PHACTR2: variants seen among roughly 807,000 people sequenced by gnomAD.
The protein encoded by PHACTR2 is phosphatase and actin regulator 2, also known as chromosome 6 open reading frame 56.
In PHACTR2, 30 loss-of-function variants were observed where a neutral mutation model predicts 76.0. That is an observed-to-expected ratio of 0.39 (90% CI 0.30 to 0.54). PHACTR2 has a LOEUF of 0.54. Among genes scored for constraint, PHACTR2 ranks in the 20% least tolerant of loss-of-function variants. PHACTR2 has a pLI of 0.61. For synonymous variants in PHACTR2, 292 were observed against 292.5 expected (o/e 1.00, Z 0.02); for missense variants, 696 against 781.1 (o/e 0.89, Z 1.30).
rs561101301 is a variant in PHACTR2 at position 143,722,634 on chromosome 6, A to G, written c.214+10451A>G. 6.6e-6 allele frequency among the ~76,000 whole-genome samples: 1 copy of G among 151,850 alleles called. No homozygotes were observed. Among genetic ancestry groups the G allele is most frequent in the South Asian group, 2.1e-4 (1 of 4,810 alleles). On this transcript the variant is annotated intron_variant, in intron 2 of 12. Coordinates refer to ENST00000440869, the MANE Select transcript of PHACTR2 (RefSeq NM_001100164.2). This position sits in a 1 kb window ranked among gnomAD's most constrained non-coding sequence, Gnocchi z 4.1. ...TTTTTGTTAGAAATAGTCCAGTTCC[A>G]CTCTTTTAGTTATTTTGAGATATAC...
At chr6:143,590,093 C>CTT (rs994578036) in intron 1 of PHACTR2, among the ~76,000 whole-genome samples, 1 of 152,070 alleles carries the variant, frequency 6.6e-6, no homozygotes, top group Admixed American at 6.5e-5. Flanking sequence ...TTTACTGGTT[C>CTT]TTAGTGATAA....
At position 143,558,267 on chromosome 6, in the gene PHACTR2, C is replaced by CA. The variant is rs1775208777; in HGVS notation, c.217+21060_217+21061insA. On this transcript the variant is annotated intron_variant, in intron 1 of 11. Transcript: ENST00000367584. This position sits in a 1 kb window ranked among gnomAD's most constrained non-coding sequence, Gnocchi z 4.7. ...TGATATTAAGGAATTAATGTTCCTT[C>CA]TTAGGTGTGAAATAATATTGTGGTT... 2.6e-5 allele frequency: 4 copies of CA among 152,078 alleles called. No individual in the cohort carries two copies. The highest frequency in any genetic ancestry group is 5.9e-5 in the Non-Finnish European group (4 of 68,016). The allele number at this position is 152,078 out of a possible 1,614,324, so 9.4% of individuals were successfully genotyped here.
At position 143,791,095 on chromosome 6, in the gene PHACTR2, A is replaced by G. The variant is rs1327773280; in HGVS notation, c.1845+2185A>G. On this transcript the variant is annotated intron_variant, in intron 11 of 12. Coordinates refer to ENST00000440869, the MANE Select transcript of PHACTR2 (RefSeq NM_001100164.2). The surrounding 1 kb of genome is among the most constrained non-coding windows in gnomAD (Gnocchi z 4.7). ...CAAAATGATAGATATATTCTCATAT[A>G]CTGTCTTCTAAATTGTTTATAATTT... 1.3e-5 allele frequency among the ~76,000 whole-genome samples: 2 copies of G among 152,178 alleles called. No homozygotes were observed. Among genetic ancestry groups the G allele is most frequent in the East Asian group, 3.8e-4 (2 of 5,200 alleles).
chr6:143,647,886 C>T lies in PHACTR2; in HGVS notation c.13+39564C>T, dbSNP rs149911950. On this transcript the variant is annotated intron_variant, in intron 1 of 11. Coordinates refer to the PHACTR2 transcript ENST00000305766. This position sits in a 1 kb window ranked among gnomAD's most constrained non-coding sequence, Gnocchi z 4.2. ...GCTAGCCACAGCCAACTCAGGGAGG[C>T]GTTGTAGGCCCTGGTAAGGATTTAG... Among the ~76,000 whole-genome samples, 1,364 of 152,202 alleles carry T rather than the reference C, an allele frequency of 9.0e-3. 20 individuals carry two copies. The highest frequency in any genetic ancestry group is 0.03 in the African/African-American group (1,262 of 41,518).
chr6:143,657,352 A>G (rs1296575455), intron 1 of PHACTR2, among the ~76,000 whole-genome samples: 1 of 151,928 alleles, frequency 6.6e-6, no homozygotes, highest in Non-Finnish European at 1.5e-5. Context: ...AATATTTCCA[A>G]CCCCTGAAAA....
At chr6:143,657,937 A>T (rs954951079) in intron 1 of PHACTR2, among the ~76,000 whole-genome samples, 1 of 152,158 alleles carries the variant, frequency 6.6e-6, no homozygotes, top group Admixed American at 6.6e-5. Flanking sequence ...CAGGGGAAAT[A>T]ATCCCTTTAT....
rs1776602698 is a variant in PHACTR2 at position 143,828,974 on chromosome 6, A to T, written c.*5285A>T. 1 of 152,136 alleles carries T rather than the reference A, an allele frequency of 6.6e-6. No homozygotes were observed. Among genetic ancestry groups the T allele is most frequent in the Admixed American group, 6.6e-5 (1 of 15,264 alleles). The allele number at this position is 152,136 out of a possible 1,614,324, so 9.4% of individuals were successfully genotyped here. A position where few individuals can be genotyped will look rare whatever the true frequency, so the allele number is the denominator to read the frequency against. On this transcript the variant is annotated 3_prime_UTR_variant, in exon 13 of 13. Transcript: ENST00000440869. This position sits in a 1 kb window ranked among gnomAD's most constrained non-coding sequence, Gnocchi z 4.7. ...ACAGGGAGAAAAAGTGCCTATCCTC[A>T]AACATTGTCTCTGCTGCCTTGCATT...
rs1775124695 is a variant in PHACTR2 at position 143,553,661 on chromosome 6, G to A, written c.217+16454G>A. ...TAGAAACTGTATTCATGTTTTATTCGAGTCTCTATAGGCTGAGGTTGAGGC... is the reference window on the plus strand; with the variant it reads ...TAGAAACTGTATTCATGTTTTATTCAAGTCTCTATAGGCTGAGGTTGAGGC... On this transcript the variant is annotated intron_variant, in intron 1 of 11. Coordinates refer to the PHACTR2 transcript ENST00000367584. The surrounding 1 kb of genome is among the most constrained non-coding windows in gnomAD (Gnocchi z 4.2). 6.6e-6 allele frequency among the ~76,000 whole-genome samples: 1 copy of A among 152,170 alleles called. No homozygotes were observed. Among genetic ancestry groups the A allele is most frequent in the Non-Finnish European group, 1.5e-5 (1 of 68,038 alleles).
In PHACTR2 at chr6:143,624,172, T is replaced by A. The variant is rs1426821506; in HGVS notation, c.13+15850T>A. On this transcript the variant is annotated intron_variant, in intron 1 of 11. Coordinates refer to the PHACTR2 transcript ENST00000305766. The surrounding 1 kb of genome is among the most constrained non-coding windows in gnomAD (Gnocchi z 4.6). ...CCCAGGCTGGAGTGCAGTGGCCCAA[T>A]CTCGGCTCATTACAACCTCTGCCCC... Among the ~76,000 whole-genome samples, 1 of 152,154 alleles carries A rather than the reference T, an allele frequency of 6.6e-6. No homozygotes were observed. Among genetic ancestry groups the A allele is most frequent in the Non-Finnish European group, 1.5e-5 (1 of 68,028 alleles).
intron 1 of PHACTR2, among the ~76,000 whole-genome samples, chr6:143,645,974 C>T (rs961224212): frequency 2.0e-5 from 3 of 151,900 alleles, no homozygotes; most frequent in African/African-American, 4.8e-5. Context: ...GGATTGATTA[C>T]CTCAAAATAT....
rs1778129617 is a variant in PHACTR2, at chr6:143,709,716, C to T, written c.47-2300C>T. 6.6e-6 allele frequency among the ~76,000 whole-genome samples: 1 copy of T among 152,094 alleles called. No homozygotes were observed. Among genetic ancestry groups the T allele is most frequent in the Non-Finnish European group, 1.5e-5 (1 of 68,018 alleles). Reference sequence around the variant, plus strand: ...TTGGGCACAGGTAGAATTTCCAGATCCCCATGTGGTCTCCCTTGATACCAC... The same window carrying T: ...TTGGGCACAGGTAGAATTTCCAGATTCCCATGTGGTCTCCCTTGATACCAC... On this transcript the variant is annotated intron_variant, in intron 1 of 12. Transcript: ENST00000440869. This position sits in a 1 kb window ranked among gnomAD's most constrained non-coding sequence, Gnocchi z 4.4.
intron 12 of PHACTR2, among the ~76,000 whole-genome samples, chr6:143,813,900 G>A (rs936136655): frequency 1.3e-5 from 2 of 152,094 alleles, no homozygotes; most frequent in African/African-American, 2.4e-5. Flanking sequence ...AAAAATACAC[G>A]TATAACTTTT....
chr6:143,793,911 A>AAAAT lies in PHACTR2; in HGVS notation c.1845+5020_1845+5023dup, dbSNP rs535214880. Among the ~76,000 whole-genome samples the AAAAT allele has an allele frequency of 9.2e-5, 14 of 152,138 alleles. No individual in the cohort carries two copies. Among genetic ancestry groups the AAAAT allele is most frequent in the South Asian group, 2.1e-4 (1 of 4,818 alleles). ...GGGCAACAGAGCTAGACCTTATCTC[A>AAAAT]AAATAAATAAATAAATAAATAATAT... On this transcript the variant is annotated intron_variant, in intron 11 of 12. Coordinates refer to ENST00000440869, the MANE Select transcript of PHACTR2 (RefSeq NM_001100164.2). The surrounding 1 kb of genome is among the most constrained non-coding windows in gnomAD (Gnocchi z 4.4).
Position 143,562,774 on chromosome 6 carries a change from A to C in PHACTR2, c.217+25567A>C, listed in dbSNP as rs1775300023. Among the ~76,000 whole-genome samples, 1 of 152,254 alleles carries C rather than the reference A, an allele frequency of 6.6e-6. No individual in the cohort carries two copies. On this transcript the variant is annotated intron_variant, in intron 1 of 11. Transcript: ENST00000367584. The surrounding 1 kb of genome is among the most constrained non-coding windows in gnomAD (Gnocchi z 5.1). Reference sequence around the variant, plus strand: ...TAAAAGGTAATGAGTAGTTGAATTAACAAAATATGGTATTTATGTACATGA... The same window carrying C: ...TAAAAGGTAATGAGTAGTTGAATTACCAAAATATGGTATTTATGTACATGA...
chr6:143,601,018 A>AT (rs1775809744), intron 1 of PHACTR2, among the ~76,000 whole-genome samples: 1 of 152,240 alleles, frequency 6.6e-6, no homozygotes, highest in South Asian at 2.1e-4. Context: ...CTTGAGGCAC[A>AT]TTTCTTAACC....
intron 1 of PHACTR2, among the ~76,000 whole-genome samples, chr6:143,584,026 C>A (rs1327721795): frequency 6.6e-6 from 1 of 152,224 alleles, no homozygotes; most frequent in Non-Finnish European, 1.5e-5. Flanking sequence ...TACCCACTGG[C>A]AGGCTATCTT....
chr6:143,631,953 G>A (rs963819824), intron 1 of PHACTR2, among the ~76,000 whole-genome samples: 1 of 152,160 alleles, frequency 6.6e-6, no homozygotes, highest in Non-Finnish European at 1.5e-5. Flanking sequence ...CATTTATGCT[G>A]GAAAATTGAA....
At position 143,818,610 on chromosome 6, in the gene PHACTR2, C is replaced by G. The variant is rs1297865945; in HGVS notation, c.1923-5064C>G. On this transcript the variant is annotated intron_variant, in intron 12 of 12. Coordinates refer to ENST00000440869, the MANE Select transcript of PHACTR2 (RefSeq NM_001100164.2). This position sits in a 1 kb window ranked among gnomAD's most constrained non-coding sequence, Gnocchi z 4.9. ...AAAGAGATTTAATTGACTCACAGTT[C>G]CATGTGGCTGGGGAGGTCTCAGGAA... Among the ~76,000 whole-genome samples, 1 of 152,152 alleles carries G rather than the reference C, an allele frequency of 6.6e-6. No homozygotes were observed. Among genetic ancestry groups the G allele is most frequent in the Non-Finnish European group, 1.5e-5 (1 of 68,032 alleles).
rs1776996107 is a variant in PHACTR2 at position 143,664,285 on chromosome 6, G to A, written c.14-47731G>A. On this transcript the variant is annotated intron_variant, in intron 1 of 11. Transcript: ENST00000305766. This position sits in a 1 kb window ranked among gnomAD's most constrained non-coding sequence, Gnocchi z 5.1. ...CATACTTTTATTTTCAGCTTTTGCT[G>A]TTTGGGGTGTGTCTTCTAAAAATGA... is the stretch of plus-strand genomic sequence containing the variant. Among the ~76,000 whole-genome samples, 1 of 151,936 alleles carries A rather than the reference G, an allele frequency of 6.6e-6. No individual in the cohort carries two copies. The highest frequency in any genetic ancestry group is 1.5e-5 in the Non-Finnish European group (1 of 67,954).
Sources: allele counts gnomAD v4.1 joint callset (sites outside exome capture counted in the v4.1 genomes callset), GRCh38; gene constraint gnomAD v4.1.1; non-coding constraint Gnocchi (gnomAD v3.1); transcripts MANE v1.5; gene names NCBI Gene and HGNC (gene_info 2026-07-23, HGNC 2026-07-21).